Variants in CPED1 observed in about 807,000 individuals in gnomAD.
CPED1 encodes cadherin like and PC-esterase domain containing 1, also known as cadherin-like and PC-esterase domain-containing protein 1.
Under a neutral mutation model 128.2 loss-of-function variants are expected in CPED1, and 114 were observed. That is an observed-to-expected ratio of 0.89 (90% confidence interval 0.76 to 1.04). The LOEUF (loss-of-function observed/expected upper bound fraction) is 1.04. Among genes scored for constraint, CPED1 ranks in the 50% least tolerant of loss-of-function variants. The probability of loss-of-function intolerance (pLI) is 0.00; values close to 1 mark genes in which losing one functional copy is unlikely to be tolerated. For missense variants in CPED1, 1,211 were observed against 1,207.1 expected (o/e 1.00, Z -0.05); for synonymous variants, 462 against 426.7 (o/e 1.08, Z -1.02).
chr7:121,027,514 T>C (rs928073473), intron 3 of CPED1, among the ~76,000 whole-genome samples: 22 of 152,026 alleles, frequency 1.4e-4, no homozygotes, highest in Admixed American at 1.4e-3. Context: ...ATTTTCTTCT[T>C]TGGACTTTTG....
At chr7:121,182,153 AC>A (rs979934908) in intron 16 of CPED1, among the ~76,000 whole-genome samples, 2 of 151,698 alleles carry the variant, frequency 1.3e-5, no homozygotes, top group Admixed American at 1.3e-4. Flanking sequence ...AGCTATGGTA[AC>A]ATTAGAATAT....
chr7:121,125,465 C>T (rs1194172374), intron 8 of CPED1, among the ~76,000 whole-genome samples: 1 of 152,070 alleles, frequency 6.6e-6, no homozygotes, highest in Non-Finnish European at 1.5e-5. Flanking sequence ...CTCCTTGCCC[C>T]CCAACCCCCA....
intron 18 of CPED1, among the ~76,000 whole-genome samples, chr7:121,265,429 G>A (rs1584642092): frequency 6.6e-6 from 1 of 152,104 alleles, no homozygotes; most frequent in Non-Finnish European, 1.5e-5. Context: ...ACAAAGACTG[G>A]TATGCAATAA....
intron 18 of CPED1, among the ~76,000 whole-genome samples, chr7:121,245,849 CCTGG>C (rs1315440981): frequency 4.6e-5 from 7 of 152,136 alleles, no homozygotes; most frequent in African/African-American, 1.7e-4. Flanking sequence ...TGCCACCACG[CCTGG>C]CTAATTTTTT....
At chr7:121,105,119 A>T (rs1794942538) in intron 7 of CPED1, among the ~76,000 whole-genome samples, 2 of 152,082 alleles carry the variant, frequency 1.3e-5, no homozygotes, top group Non-Finnish European at 2.9e-5. Flanking sequence ...CATCAATACA[A>T]TCAGCAAATG....
intron 16 of CPED1, among the ~76,000 whole-genome samples, chr7:121,214,357 A>G (rs1584603107): frequency 6.6e-6 from 1 of 151,904 alleles, no homozygotes; most frequent in African/African-American, 2.4e-5. Context: ...TAGTGGTGCA[A>G]TCTTGGCTTA....
rs1462430144 is a variant in CPED1, at chr7:121,054,540, G to T, written c.540+7547G>T. Reference sequence around the variant, plus strand: ...CGAAATATTATTTTCTGAAGGTAGGGCATATCTTTTCTCCTCACTCCCTTC... The same window carrying T: ...CGAAATATTATTTTCTGAAGGTAGGTCATATCTTTTCTCCTCACTCCCTTC... On this transcript the variant is annotated intron_variant, in intron 4 of 22. Transcript: ENST00000310396. 2.0e-5 allele frequency among the ~76,000 whole-genome samples: 3 copies of T among 152,008 alleles called. No homozygotes were observed. The East Asian group carries it at 5.8e-4, about 29-fold the overall frequency.
At chr7:121,166,712 AT>A (rs1337551840) in intron 16 of CPED1, among the ~76,000 whole-genome samples, 1 of 152,112 alleles carries the variant, frequency 6.6e-6, no homozygotes, top group Non-Finnish European at 1.5e-5. Context: ...TGTTTTTCTC[AT>A]TCCTTTTAAA....
At chr7:121,234,878 G>A (rs975041942) in intron 16 of CPED1, among the ~76,000 whole-genome samples, 1 of 152,062 alleles carries the variant, frequency 6.6e-6, no homozygotes, top group Non-Finnish European at 1.5e-5. Context: ...TTACCCATAT[G>A]TCTTGAAAAT....
rs752760631 is a variant in CPED1, at chr7:121,267,258, A to C, written c.2677A>C (p.Ile893Leu). The change falls in exon 21 of 23, where the codon ATT (isoleucine) becomes CTT (leucine). Residue 893 changes from isoleucine to leucine, a missense_variant. Transcript: ENST00000310396. ...NILVIIKTLG[I>L]GFHLPVDGVH... Reference sequence around the variant, plus strand: ...CCTAGTGATCATCAAAACTTTGGGAATTGGATTTCATCTGCCAGTGGATGG... The same window carrying C: ...CCTAGTGATCATCAAAACTTTGGGACTTGGATTTCATCTGCCAGTGGATGG... 3.1e-5 allele frequency: 49 copies of C among 1,603,266 alleles called. No individual in the cohort carries two copies. Among genetic ancestry groups the C allele is most frequent in the Non-Finnish European group, 4.1e-5 (48 of 1,172,760 alleles).
chr7:121,182,817 C>T (rs773775986), intron 16 of CPED1, among the ~76,000 whole-genome samples: 15 of 151,990 alleles, frequency 9.9e-5, no homozygotes, highest in Non-Finnish European at 2.1e-4. Flanking sequence ...TGTGTCATTG[C>T]GAACATTAAT....
At chr7:121,095,073 A>T (rs1322031847) in intron 5 of CPED1, among the ~76,000 whole-genome samples, 1 of 152,174 alleles carries the variant, frequency 6.6e-6, no homozygotes, top group Non-Finnish European at 1.5e-5. Context: ...CATTTTTAAC[A>T]AGTATATGTT....
chr7:121,221,076 C>T (rs939415203), intron 16 of CPED1, among the ~76,000 whole-genome samples: 3 of 152,014 alleles, frequency 2.0e-5, no homozygotes, highest in African/African-American at 7.2e-5. Flanking sequence ...ATCAACTCGT[C>T]ATTTACATTA....
intron 3 of CPED1, among the ~76,000 whole-genome samples, chr7:121,036,729 T>G (rs1189103641): frequency 1.3e-5 from 2 of 152,100 alleles, no homozygotes; most frequent in African/African-American, 4.8e-5. Flanking sequence ...TTTTCCATAG[T>G]GGTTGTACTA....
At chr7:121,125,025 C>T (rs1274567827) in intron 8 of CPED1, among the ~76,000 whole-genome samples, 1 of 152,034 alleles carries the variant, frequency 6.6e-6, no homozygotes, top group Non-Finnish European at 1.5e-5. Context: ...TGAATAGGTA[C>T]CTAGCATGTA....
At chr7:121,197,991 T>C (rs573000705) in intron 16 of CPED1, among the ~76,000 whole-genome samples, 1 of 152,164 alleles carries the variant, frequency 6.6e-6, no homozygotes, top group South Asian at 2.1e-4. Context: ...TTTAAAAATA[T>C]TGGGGAGATA....
At chr7:121,111,702 A>C (rs568008684) in intron 7 of CPED1, among the ~76,000 whole-genome samples, 2 of 145,972 alleles carry the variant, frequency 1.4e-5, no homozygotes, top group South Asian at 4.2e-4. Context: ...CATTCTAAGC[A>C]CTGAAAATAA....
In CPED1 at chr7:121,289,963, G is replaced by A. The variant is rs1164167370; in HGVS notation, c.2869-5477G>A. On this transcript the variant is annotated intron_variant, in intron 22 of 22. Coordinates refer to ENST00000310396, the MANE Select transcript of CPED1 (RefSeq NM_024913.5). Reference sequence around the variant, plus strand: ...TAATGCTATTCCTCTCCTTTCCCCCGAACTCCTGACAGGCCCCAGTGTGTG... The same window carrying A: ...TAATGCTATTCCTCTCCTTTCCCCCAAACTCCTGACAGGCCCCAGTGTGTG... 3.3e-5 allele frequency among the ~76,000 whole-genome samples: 5 copies of A among 151,794 alleles called. No individual in the cohort carries two copies. The East Asian group carries it at 7.7e-4, about 23-fold the overall frequency.
At chr7:121,060,083 C>G (rs1190179200) in intron 4 of CPED1, among the ~76,000 whole-genome samples, 2 of 152,316 alleles carry the variant, frequency 1.3e-5, no homozygotes, top group East Asian at 3.9e-4. Flanking sequence ...CCGGCCCTGC[C>G]GGCCCGGGCA....
Sources: allele counts gnomAD v4.1 joint callset (sites outside exome capture counted in the v4.1 genomes callset), GRCh38; gene constraint gnomAD v4.1.1; transcripts MANE v1.5; gene names NCBI Gene and HGNC (gene_info 2026-07-23, HGNC 2026-07-21).